The following PLEKHG4B variants were observed in gnomAD, a reference collection of about 807,000 sequenced individuals.
PLEKHG4B encodes pleckstrin homology domain-containing family G member 4B.
In PLEKHG4B, 111 loss-of-function variants were observed where a neutral mutation model predicts 121.3. The observed-to-expected ratio is 0.92, with a 90% CI of 0.78 to 1.07. PLEKHG4B has a LOEUF of 1.07. Among genes scored for constraint, PLEKHG4B ranks in the 50% least tolerant of loss-of-function variants. PLEKHG4B has a pLI of 0.00. For missense variants in PLEKHG4B, 1,831 were observed against 1,757.8 expected (o/e 1.04, Z -0.74); for synonymous variants, 738 against 725.0 (o/e 1.02, Z -0.29).
chr5:173,067 G>A lies in PLEKHG4B; in HGVS notation c.4221G>A (p.Lys1407=), dbSNP rs780976965. Residue 1407 remains lysine (K), a splice_region_variant and synonymous_variant, in exon 17 of 20, where the codon AAG becomes AAA. Coordinates refer to ENST00000637938, the MANE Select transcript of PLEKHG4B (RefSeq NM_052909.5). ...HDVYLYKQSF[K]TAEIGMTENV... is the part of the protein sequence containing the mutation. ...TCTACCTGTACAAGCAGTCCTTCAAGGTAGCACCCGCCCGGTCCGATTGGG... is the reference window on the plus strand; with the variant it reads ...TCTACCTGTACAAGCAGTCCTTCAAAGTAGCACCCGCCCGGTCCGATTGGG... The A allele has an allele frequency of 6.2e-7, 1 of 1,613,806 alleles. No homozygotes were observed. Among genetic ancestry groups the A allele is most frequent in the Non-Finnish European group, 8.5e-7 (1 of 1,179,768 alleles).
chr5:123,985 A>G (rs1734539332), intron 2 of PLEKHG4B, among the ~76,000 whole-genome samples: 1 of 152,136 alleles, frequency 6.6e-6, no homozygotes, highest in Non-Finnish European at 1.5e-5. Context: ...AAATGTAAGC[A>G]TTTATAGCTA....
In PLEKHG4B at chr5:162,713, G is replaced by GA; in HGVS notation, c.2650-9_2650-8insA. ...CACTGCACTGAGCAGAGCCCTCCTT[G>GA]TCCCACAGGTGAGCAGCTGGATGGG... On this transcript the variant is annotated splice_polypyrimidine_tract_variant and intron_variant, in intron 12 of 19. Transcript: ENST00000637938. 1 of 1,445,002 alleles carries GA rather than the reference G, an allele frequency of 6.9e-7. No homozygotes were observed. Among genetic ancestry groups the GA allele is most frequent in the East Asian group, 2.5e-5 (1 of 39,708 alleles). 89.5% of individuals were successfully genotyped at this position (1,445,002 alleles called of 1,614,324 possible). A position where few individuals can be genotyped will look rare whatever the true frequency, so the allele number is the denominator to read the frequency against.
chr5:144,241 C>T (rs995931162), intron 5 of PLEKHG4B: 3 of 152,464 alleles, frequency 2.0e-5, no homozygotes, highest in African/African-American at 7.2e-5. Context: ...CTCACCCCAC[C>T]TACCATTCTC....
At chr5:107,075 T>C (rs10070362) in intron 1 of PLEKHG4B, among the ~76,000 whole-genome samples, 27,235 of 152,202 alleles carry the variant, frequency 0.18, 3,327 homozygotes, top group African/African-American at 0.34. Context: ...GACTTGTGGA[T>C]GTAGACCCAC....
At chr5:149,070 CAA>C (rs1735520722) in intron 6 of PLEKHG4B, among the ~76,000 whole-genome samples, 1 of 152,066 alleles carries the variant, frequency 6.6e-6, no homozygotes, top group Non-Finnish European at 1.5e-5. Context: ...AAAATTAACT[CAA>C]ATGGATCAAA....
At chr5:146,185 C>T (rs1326884603) in intron 6 of PLEKHG4B, among the ~76,000 whole-genome samples, 2 of 142,408 alleles carry the variant, frequency 1.4e-5, no homozygotes, top group East Asian at 4.4e-4. Context: ...CCCTCCTCTT[C>T]CTTTCCATGG....
intron 13 of PLEKHG4B, 83 bp downstream of exon 13, chr5:163,631 T>A: frequency 8.6e-7 from 1 of 1,163,944 alleles, no homozygotes; most frequent in African/African-American, 1.6e-5. Context: ...TAAACTCTCT[T>A]CTGCAAAGTA....
Position 169,358 on chromosome 5 carries a change from C to T in PLEKHG4B, c.3495C>T (p.Ile1165=). ...QQVGSSRLRH[I]MAEMIATERE... ...CTTCCAGCAGCCGACTGAGGCACAT[C>T]ATGGCCGAGATGATCGCCACAGAGA... The change falls in exon 14 of 20, where the codon ATC becomes ATT. Residue 1165 remains isoleucine, a synonymous_variant. Coordinates refer to ENST00000637938, the MANE Select transcript of PLEKHG4B (RefSeq NM_052909.5). 6.2e-7 allele frequency: 1 copy of T among 1,614,126 alleles called. No individual in the cohort carries two copies. Among genetic ancestry groups the T allele is most frequent in the South Asian group, 1.1e-5 (1 of 91,086 alleles).
intron 2 of PLEKHG4B, among the ~76,000 whole-genome samples, chr5:131,832 T>C (rs1015783120): frequency 6.6e-6 from 1 of 152,246 alleles, no homozygotes; most frequent in Non-Finnish European, 1.5e-5. Flanking sequence ...GGTATCTCAT[T>C]GTGGTTTTGA....
chr5:144,253 C>G (rs910858250), intron 5 of PLEKHG4B: 1 of 152,386 alleles, frequency 6.6e-6, no homozygotes, highest in African/African-American at 2.4e-5. Flanking sequence ...ACCATTCTCT[C>G]CTATTAAATT....
chr5:173,129 C>A, intron 17 of PLEKHG4B, 62 bp downstream of exon 17: 1 of 1,540,206 alleles, frequency 6.5e-7, no homozygotes, highest in Non-Finnish European at 8.9e-7. Context: ...GGGTCTCGGA[C>A]CCTTGTCTCA....
At position 181,577 on chromosome 5, in the gene PLEKHG4B, C is replaced by T. The variant is rs750791518; in HGVS notation, c.4466C>T (p.Pro1489Leu). 6.2e-7 allele frequency: 1 copy of T among 1,614,130 alleles called. No homozygotes were observed. The highest frequency in any genetic ancestry group is 8.5e-7 in the Non-Finnish European group (1 of 1,180,008). ...AACCAGCCATTCATGGATGTCAAGC[C>T]CAGAGACCGGACCCCTGACTGTGCA... The part of the protein sequence containing the change: ...IGNQPFMDVK[P>L]RDRTPDCAVI... The change falls in exon 19 of 20, where the codon CCC becomes CTC. Residue 1489 changes from proline to leucine, a missense_variant. By Grantham distance (98) the Pro-to-Leu change is moderately conservative. Transcript: ENST00000637938.
intron 18 of PLEKHG4B, among the ~76,000 whole-genome samples, chr5:175,574 G>A (rs1002114482): frequency 4.6e-5 from 7 of 151,700 alleles, no homozygotes; most frequent in Non-Finnish European, 8.8e-5. Context: ...CTACAGACAC[G>A]ACCAGGGCTC....
intron 2 of PLEKHG4B, among the ~76,000 whole-genome samples, chr5:115,419 TC>T (rs1734276737): frequency 6.6e-6 from 1 of 152,110 alleles, no homozygotes; most frequent in Non-Finnish European, 1.5e-5. Flanking sequence ...TTCAGAATGG[TC>T]CATAAGCATC....
rs1404510575 is a variant in PLEKHG4B, at chr5:132,134, A to G, written c.244-7349A>G. Reference sequence around the variant, plus strand: ...AAGGATGCGCACTTTCACCACTTCTATTCAACATGGTATTTGAAGTTCTTC... The same window carrying G: ...AAGGATGCGCACTTTCACCACTTCTGTTCAACATGGTATTTGAAGTTCTTC... On this transcript the variant is annotated intron_variant, in intron 2 of 19. Coordinates refer to ENST00000637938, the MANE Select transcript of PLEKHG4B (RefSeq NM_052909.5). Among the ~76,000 whole-genome samples the G allele has an allele frequency of 4.6e-5, 7 of 152,272 alleles. No homozygotes were observed. In the East Asian group the frequency reaches 5.8e-4, roughly 13 times the overall value.
Position 140,579 on chromosome 5 carries a change from C to G in PLEKHG4B, c.1340C>G (p.Ser447Cys). 1 of 1,609,098 alleles carries G rather than the reference C, an allele frequency of 6.2e-7. No homozygotes were observed. Among genetic ancestry groups the G allele is most frequent in the Non-Finnish European group, 8.5e-7 (1 of 1,178,334 alleles). The change falls in exon 3 of 20, where the codon TCC (serine) becomes TGC (cysteine). Residue 447 changes from serine (S) to cysteine (C), a missense_variant. Transcript: ENST00000637938. The stretch of plus-strand genomic sequence containing the variant: ...TCCTGGGAAAGGGCACCCAGAAGCT[C>G]CAGAGGGGCCCAGGCTGCAGCCTGC... ...SRSWERAPRS[S>C]RGAQAAACHT...
chr5:97,473 C>G (rs1416641550), intron 1 of PLEKHG4B, among the ~76,000 whole-genome samples: 1 of 152,236 alleles, frequency 6.6e-6, no homozygotes, highest in Admixed American at 6.5e-5. Context: ...CCTCCCCAGC[C>G]CCAGGCAACT....
rs752435399 is a variant in PLEKHG4B at position 156,230 on chromosome 5, A to C, written c.2348+20A>C. On this transcript the variant is annotated intron_variant, in intron 10 of 19. Coordinates refer to ENST00000637938, the MANE Select transcript of PLEKHG4B (RefSeq NM_052909.5). This position sits in a 1 kb window ranked among gnomAD's most constrained non-coding sequence, Gnocchi z 4.4. ...CAGCCGGTGAGCGCTCACAGGGGTC[A>C]TGCTGGGCCCTGGCCCATCGAGGGA... The C allele has an allele frequency of 6.8e-7, 1 of 1,474,356 alleles. No individual in the cohort carries two copies. Among genetic ancestry groups the C allele is most frequent in the South Asian group, 1.4e-5 (1 of 70,204 alleles). 91.3% of individuals were successfully genotyped at this position (1,474,356 alleles called of 1,614,324 possible). A position where few individuals can be genotyped will look rare whatever the true frequency, so the allele number is the denominator to read the frequency against.
chr5:120,923 G>A (rs969521459), intron 2 of PLEKHG4B, among the ~76,000 whole-genome samples: 1 of 152,118 alleles, frequency 6.6e-6, no homozygotes, highest in African/African-American at 2.4e-5. Context: ...ATGAAGAGGT[G>A]GAGAGTTTCA....
Sources: gnomAD v4.1 joint callset for allele counts (sites outside exome capture counted in the v4.1 genomes callset) on GRCh38, gnomAD v4.1.1 for gene constraint, Gnocchi (gnomAD v3.1) non-coding constraint, MANE v1.5 for transcripts, NCBI Gene and HGNC (gene_info 2026-07-23, HGNC 2026-07-21) for gene names.